The following NSMCE2 variants were observed in gnomAD, a reference collection of about 807,000 sequenced individuals.
NSMCE2 encodes the protein NSE2 SUMO ligase component of SMC5/6 complex.
A neutral mutation model predicts 23.8 loss-of-function variants in NSMCE2; 24 were observed. That is an observed-to-expected ratio of 1.01 (90% CI 0.73 to 1.42). The LOEUF (loss-of-function observed/expected upper bound fraction) is 1.42. Ranked by LOEUF, NSMCE2 falls within the 40% of genes most tolerant of loss-of-function variation. NSMCE2 has a pLI of 0.00. For synonymous variants in NSMCE2, 92 were observed against 94.1 expected, an observed-to-expected ratio of 0.98 and a Z score of 0.13; for missense variants, 284 against 296.5, an observed-to-expected ratio of 0.96 and a Z score of 0.31.
At chr8:125,349,010 AACACACACACACACAC>A (rs35429077) in intron 5 of NSMCE2, 198 of 129,446 alleles carry the variant, frequency 1.5e-3, no homozygotes, top group South Asian at 3.2e-3. Context: ...CTCAAAGCAA[AACACACACACACACAC>A]ACACACACAC....
chr8:125,097,480 T>G (rs1420468215), intron 1 of NSMCE2, among the ~76,000 whole-genome samples: 1 of 152,308 alleles, frequency 6.6e-6, no homozygotes, highest in Non-Finnish European at 1.5e-5. Flanking sequence ...TATGATCTTT[T>G]TTCATCTCAC....
At chr8:125,297,908 T>G (rs1388742013) in intron 5 of NSMCE2, among the ~76,000 whole-genome samples, 1 of 152,068 alleles carries the variant, frequency 6.6e-6, no homozygotes, top group Non-Finnish European at 1.5e-5. Context: ...ATACATACAC[T>G]TCATAATATT....
At chr8:125,158,082 A>G (rs1309151220) in intron 4 of NSMCE2, among the ~76,000 whole-genome samples, 96 of 152,288 alleles carry the variant, frequency 6.3e-4, no homozygotes, top group Admixed American at 6.3e-3. Context: ...ATTCTTCAGA[A>G]CCCACTTTGG....
At chr8:125,245,141 G>A (rs975661589) in intron 5 of NSMCE2, among the ~76,000 whole-genome samples, 2 of 152,046 alleles carry the variant, frequency 1.3e-5, no homozygotes, top group East Asian at 1.9e-4. Context: ...AAATTAGCCC[G>A]GCGTGGTGGT....
At chr8:125,168,515 T>G (rs1284215061) in intron 4 of NSMCE2, among the ~76,000 whole-genome samples, 1 of 152,220 alleles carries the variant, frequency 6.6e-6, no homozygotes, top group East Asian at 1.9e-4. Flanking sequence ...AAATCTATGA[T>G]GAAGGTGCTG....
chr8:125,102,365 C>T lies in NSMCE2; in HGVS notation c.35C>T (p.Thr12Ile). 1 of 1,613,810 alleles carries T rather than the reference C, an allele frequency of 6.2e-7. No homozygotes were observed. The change falls in exon 3 of 8, where the codon ACT becomes ATT. Residue 12 changes from threonine (T) to isoleucine (I), a missense_variant. By Grantham distance (89) the Thr-to-Ile change is moderately conservative. Around this residue, in one of 2 missense-constraint regions of NSMCE2, gnomAD observed 182 missense variants for 155.5 expected, o/e 1.17. Transcript: ENST00000287437. ...PGRSSSNSGS[T>I]GFISFSGVES... ...CGTTCCAGTTCAAATTCAGGTTCAA[C>T]TGGTTTCATCTCCTTCAGTGGTGTA...
At chr8:125,358,024 T>C (rs1813360680) in intron 7 of NSMCE2, among the ~76,000 whole-genome samples, 1 of 152,156 alleles carries the variant, frequency 6.6e-6, no homozygotes, top group South Asian at 2.1e-4. Context: ...CTGAGGGAAC[T>C]TCAACCACAC....
At chr8:125,229,276 C>T (rs972169796) in intron 5 of NSMCE2, among the ~76,000 whole-genome samples, 6 of 152,072 alleles carry the variant, frequency 3.9e-5, no homozygotes, top group African/African-American at 1.4e-4. Flanking sequence ...CTTAGTAGAT[C>T]GATGAACTGA....
intron 5 of NSMCE2, among the ~76,000 whole-genome samples, chr8:125,342,523 AG>A (rs1388269414): frequency 2.0e-5 from 3 of 152,116 alleles, no homozygotes; most frequent in African/African-American, 7.2e-5. Context: ...AGAGGAAGGA[AG>A]GCTTAGAGGC....
chr8:125,266,263 G>C lies in NSMCE2; in HGVS notation c.418+84007G>C, dbSNP rs111416366. Reference sequence around the variant, plus strand: ...TGTGCCACCACGCCCGGCTAATTTTGTGTTTTTAGTAGAGATGGGGTTTCT... The same window carrying C: ...TGTGCCACCACGCCCGGCTAATTTTCTGTTTTTAGTAGAGATGGGGTTTCT... On this transcript the variant is annotated intron_variant, in intron 5 of 7. Transcript: ENST00000287437. Among the ~76,000 whole-genome samples the C allele has an allele frequency of 2.2e-3, 336 of 152,124 alleles. 1 individual carries two copies. Among genetic ancestry groups the C allele is most frequent in the African/African-American group, 7.7e-3 (318 of 41,514 alleles).
At chr8:125,313,162 A>G (rs1829037593) in intron 5 of NSMCE2, among the ~76,000 whole-genome samples, 1 of 151,260 alleles carries the variant, frequency 6.6e-6, no homozygotes, top group Admixed American at 6.6e-5. Context: ...AAGGAAGGAA[A>G]AAAAGGAAGG....
In NSMCE2 at chr8:125,365,497, A is replaced by C. The variant is rs576643592; in HGVS notation, c.627-1271A>C. ...ATAAGCAGCCAGAGTAACATTTTCCAGATGTAAACCAAACACACTCCTCAC... is the reference window on the plus strand; with the variant it reads ...ATAAGCAGCCAGAGTAACATTTTCCCGATGTAAACCAAACACACTCCTCAC... On this transcript the variant is annotated intron_variant, in intron 7 of 7. Coordinates refer to ENST00000287437, the MANE Select transcript of NSMCE2 (RefSeq NM_173685.4). Among the ~76,000 whole-genome samples, 17 of 152,240 alleles carry C rather than the reference A, an allele frequency of 1.1e-4. No individual in the cohort carries two copies. The South Asian group carries it at 3.5e-3, about 32-fold the overall frequency.
chr8:125,161,098 A>G (rs1186579688), intron 4 of NSMCE2, among the ~76,000 whole-genome samples: 2 of 152,164 alleles, frequency 1.3e-5, no homozygotes, highest in Admixed American at 6.5e-5. Flanking sequence ...TGTGCTGGTA[A>G]GGAAAAGTTC....
At chr8:125,366,600 G>T (rs1392973942) in intron 7 of NSMCE2, among the ~76,000 whole-genome samples, 168 bp from the exon 8 acceptor site, 1 of 152,210 alleles carries the variant, frequency 6.6e-6, no homozygotes, top group Non-Finnish European at 1.5e-5. Flanking sequence ...CCCAGACAGG[G>T]CCTGGCTCAG....
intron 5 of NSMCE2, among the ~76,000 whole-genome samples, chr8:125,342,628 T>C (rs1830291280): frequency 6.6e-6 from 1 of 151,712 alleles, no homozygotes; most frequent in African/African-American, 2.4e-5. Context: ...CTTCCTTCCC[T>C]CCTCCCTCCC....
chr8:125,364,334 C>T (rs13254815), intron 7 of NSMCE2, among the ~76,000 whole-genome samples: 67,617 of 152,076 alleles, frequency 0.44, 17,111 homozygotes, highest in Admixed American at 0.55. Flanking sequence ...CCTTGATCCA[C>T]AGATCAGGGC....
At chr8:125,322,350 A>G (rs975493875) in intron 5 of NSMCE2, among the ~76,000 whole-genome samples, 2 of 152,228 alleles carry the variant, frequency 1.3e-5, no homozygotes, top group African/African-American at 4.8e-5. Flanking sequence ...TCTGAGAGTG[A>G]GTGAAGCAGA....
intron 5 of NSMCE2, among the ~76,000 whole-genome samples, chr8:125,245,641 T>G (rs1242882013): frequency 6.6e-6 from 1 of 151,708 alleles, no homozygotes. Flanking sequence ...GAAAGAATAA[T>G]GACAATAGCA....
intron 5 of NSMCE2, among the ~76,000 whole-genome samples, chr8:125,263,799 T>G (rs1055964559): frequency 1.3e-5 from 2 of 151,114 alleles, no homozygotes; most frequent in East Asian, 3.9e-4. Flanking sequence ...CTAGAATAAA[T>G]TTAATCTGGG....
Sources: gnomAD v4.1 joint callset for allele counts (sites outside exome capture counted in the v4.1 genomes callset) on GRCh38, gnomAD v4.1.1 for gene constraint, gnomAD v4.1.1 regional missense constraint, MANE v1.5 for transcripts, NCBI Gene and HGNC (gene_info 2026-07-23, HGNC 2026-07-21) for gene names.